MARCHF7: variants seen among roughly 807,000 people sequenced by gnomAD.
MARCHF7 encodes membrane associated ring-CH-type finger 7.
MARCHF7 carries 20 observed loss-of-function variants against 76.5 expected under a neutral mutation model. The observed-to-expected ratio is 0.26, with a 90% confidence interval of 0.18 to 0.38. The LOEUF (loss-of-function observed/expected upper bound fraction) is 0.38. MARCHF7 is among the 10% of genes least tolerant of loss of function. MARCHF7 has a pLI of 1.00. For synonymous variants in MARCHF7, 295 were observed against 293.0 expected, an observed-to-expected ratio of 1.01 and a Z score of -0.07; for missense variants, 797 against 812.9, an observed-to-expected ratio of 0.98 and a Z score of 0.24.
intron 4 of MARCHF7, among the ~76,000 whole-genome samples, chr2:159,739,961 A>G (rs1390724730): frequency 6.6e-6 from 1 of 152,214 alleles, no homozygotes; most frequent in Non-Finnish European, 1.5e-5. Context: ...GAATCAAATG[A>G]AATTCATTAT....
At position 159,743,691 on chromosome 2, in the gene MARCHF7, G is replaced by A. The variant is rs567620151; in HGVS notation, c.346+438G>A. Among the ~76,000 whole-genome samples, 4 of 151,862 alleles carry A rather than the reference G, an allele frequency of 2.6e-5. No individual in the cohort carries two copies. The East Asian group carries it at 7.7e-4, about 29-fold the overall frequency. Reference sequence around the variant, plus strand: ...AAGGCAGGATGATCGCTTGAGGCCAGGAGTTTAAGGCCAGCCTAGACAACA... The same window carrying A: ...AAGGCAGGATGATCGCTTGAGGCCAAGAGTTTAAGGCCAGCCTAGACAACA... On this transcript the variant is annotated intron_variant, in intron 5 of 11. Coordinates refer to ENST00000409175, the MANE Select transcript of MARCHF7 (RefSeq NM_001282805.2).
chr2:159,758,569 TA>T (rs1706617201), intron 8 of MARCHF7, among the ~76,000 whole-genome samples: 2 of 152,400 alleles, frequency 1.3e-5, no homozygotes, highest in South Asian at 4.1e-4. Context: ...ATATTCCAGA[TA>T]TTTTATGTAA....
intron 5 of MARCHF7, among the ~76,000 whole-genome samples, chr2:159,745,479 A>T (rs1283119492): frequency 6.6e-6 from 1 of 152,094 alleles, no homozygotes; most frequent in Non-Finnish European, 1.5e-5. Flanking sequence ...ACAGGGTGAA[A>T]CCCCATCTTC....
At chr2:159,715,477 G>A in intron 2 of MARCHF7, among the ~76,000 whole-genome samples, 1 of 152,068 alleles carries the variant, frequency 6.6e-6, no homozygotes, top group East Asian at 1.9e-4. Context: ...TTCCTGGGTA[G>A]CTGGGACTAC....
chr2:159,748,299 C>T lies in MARCHF7; in HGVS notation c.1009C>T (p.Pro337Ser), dbSNP rs1406156349. Residue 337 changes from proline to serine, a missense_variant, in exon 7 of 12, where the codon CCC becomes TCC. By Grantham distance (74) the Pro-to-Ser change is moderately conservative. Coordinates refer to ENST00000409175, the MANE Select transcript of MARCHF7 (RefSeq NM_001282805.2). The stretch of plus-strand genomic sequence containing the variant: ...TAATGTACCATCAGCTTCTGAAGTT[C>T]CCGATAATAGGGCATCTGAAGCTTC... Reference protein sequence around the residue: ...RSNVPSASEVPDNRASEASQG... With the variant: ...RSNVPSASEVSDNRASEASQG... 1 of 1,613,108 alleles carries T rather than the reference C, an allele frequency of 6.2e-7. No individual in the cohort carries two copies. The highest frequency in any genetic ancestry group is 8.5e-7 in the Non-Finnish European group (1 of 1,179,898).
chr2:159,741,020 ATAAATT>A (rs1704057970), intron 4 of MARCHF7, among the ~76,000 whole-genome samples: 1 of 152,202 alleles, frequency 6.6e-6, no homozygotes, highest in East Asian at 1.9e-4. Flanking sequence ...TCTATAAAAA[ATAAATT>A]TAAAAATTAA....
chr2:159,730,827 G>A (rs534046458), intron 4 of MARCHF7, among the ~76,000 whole-genome samples: 5 of 152,234 alleles, frequency 3.3e-5, no homozygotes, highest in African/African-American at 1.2e-4. Flanking sequence ...TGCCTAGAGA[G>A]GAGTCATGTT....
At chr2:159,720,301 G>C (rs1701495865) in intron 3 of MARCHF7, among the ~76,000 whole-genome samples, 1 of 152,222 alleles carries the variant, frequency 6.6e-6, no homozygotes, top group Non-Finnish European at 1.5e-5. Context: ...TGGGATTACA[G>C]GCATGAGCCA....
At chr2:159,742,931 A>G (rs1049538292) in intron 4 of MARCHF7, 130 bp from the exon 5 acceptor site, 3 of 775,504 alleles carry the variant, frequency 3.9e-6, no homozygotes, top group Admixed American at 3.0e-5. Context: ...AGCAAGACTC[A>G]GTCTCAAAAA....
intron 9 of MARCHF7, 69 bp downstream of exon 9, chr2:159,759,404 T>C: frequency 1.4e-6 from 1 of 719,694 alleles, no homozygotes; most frequent in Non-Finnish European, 2.3e-6. Flanking sequence ...GAAGAAAAGA[T>C]TAAATCATGG....
intron 6 of MARCHF7, 84 bp downstream of exon 6, chr2:159,746,021 G>T (rs780067821): frequency 1.8e-5 from 19 of 1,055,634 alleles, no homozygotes; most frequent in Non-Finnish European, 2.6e-5. Flanking sequence ...CAGTACAAAG[G>T]AGTAAAGTGT....
intron 3 of MARCHF7, among the ~76,000 whole-genome samples, chr2:159,716,903 C>A (rs1482675835): frequency 6.6e-6 from 1 of 152,102 alleles, no homozygotes; most frequent in African/African-American, 2.4e-5. Flanking sequence ...CAAACCACCT[C>A]GGGACCTAGT....
intron 9 of MARCHF7, among the ~76,000 whole-genome samples, chr2:159,760,019 A>G (rs910544661): frequency 1.3e-5 from 2 of 152,174 alleles, no homozygotes; most frequent in Non-Finnish European, 2.9e-5. Context: ...ACAAAACATA[A>G]AAACCATTTT....
intron 3 of MARCHF7, among the ~76,000 whole-genome samples, chr2:159,721,287 C>T (rs543048483): frequency 8.5e-5 from 13 of 152,182 alleles, no homozygotes; most frequent in African/African-American, 2.9e-4. Flanking sequence ...TCTTAGGATG[C>T]CCAGAGGAAT....
At chr2:159,748,999 G>A (rs1192121650) in intron 7 of MARCHF7, 96 bp downstream of exon 7, 20 of 1,155,884 alleles carry the variant, frequency 1.7e-5, no homozygotes, top group Non-Finnish European at 2.1e-5. Flanking sequence ...TTTTTTTTGA[G>A]ACGGAGTCTC....
intron 4 of MARCHF7, 103 bp from the exon 5 acceptor site, chr2:159,742,958 G>A: frequency 9.6e-7 from 1 of 1,043,840 alleles, no homozygotes; most frequent in African/African-American, 1.6e-5. Context: ...AGAACTACGT[G>A]GTAGAAAAAT....
intron 4 of MARCHF7, chr2:159,733,365 G>T (rs1042895860): frequency 6.6e-6 from 3 of 456,168 alleles, no homozygotes; most frequent in South Asian, 1.9e-4. Context: ...AGCCTCCTGA[G>T]TAGCTTGAGA....
intron 9 of MARCHF7, among the ~76,000 whole-genome samples, chr2:159,761,055 C>T (rs1462368236): frequency 6.7e-6 from 1 of 149,354 alleles, no homozygotes; most frequent in Non-Finnish European, 1.5e-5. Context: ...GAGATGGAGC[C>T]TTCCTTGTTG....
rs912962835 is a variant in MARCHF7, at chr2:159,743,359, G to A, written c.346+106G>A. ...AGTAGATTTTATATGAAGACAGTGG[G>A]TCAGAAATGTAGTGGAATTTCCAAA... On this transcript the variant is annotated intron_variant, in intron 5 of 11. Transcript: ENST00000409175. The A allele has an allele frequency of 5.9e-6, 6 of 1,020,230 alleles. No homozygotes were observed. In the African/African-American group the frequency reaches 9.8e-5, roughly 17 times the overall value. 63.2% of individuals were successfully genotyped at this position (1,020,230 alleles called of 1,614,324 possible).
Sources: allele counts gnomAD v4.1 joint callset (sites outside exome capture counted in the v4.1 genomes callset), GRCh38; gene constraint gnomAD v4.1.1; transcripts MANE v1.5; gene names NCBI Gene and HGNC (gene_info 2026-07-23, HGNC 2026-07-21).